SOX5: variants seen among roughly 807,000 people sequenced by gnomAD.
The protein encoded by SOX5 is transcription factor SOX-5.
In SOX5, 9 loss-of-function variants were observed where a neutral mutation model predicts 92.0. The ratio of observed to expected loss-of-function variants is 0.10; its 90% confidence interval spans 0.06 to 0.17. SOX5 has a LOEUF of 0.17. Among genes scored for constraint, SOX5 ranks in the 10% least tolerant of loss-of-function variants. The pLI, the probability that SOX5 is intolerant of heterozygous loss-of-function variation, is 1.00. For synonymous variants in SOX5, 344 were observed against 336.3 expected, an observed-to-expected ratio of 1.02 and a Z score of -0.25; for missense variants, 642 against 944.5, an observed-to-expected ratio of 0.68 and a Z score of 4.20.
At chr12:24,065,289 C>A (rs1940475349) in intron 4 of SOX5, among the ~76,000 whole-genome samples, 2 of 152,112 alleles carry the variant, frequency 1.3e-5, no homozygotes, top group African/African-American at 4.8e-5. Context: ...AGGAGAGAGG[C>A]ACATGGAGCT....
At chr12:23,997,726 GTGTT>G (rs1284778031) in intron 4 of SOX5, among the ~76,000 whole-genome samples, 1 of 152,164 alleles carries the variant, frequency 6.6e-6, no homozygotes, top group Non-Finnish European at 1.5e-5. Flanking sequence ...TTGGCTCAAA[GTGTT>G]TAAGCAAAAC....
At chr12:24,017,714 C>G (rs957226957) in intron 4 of SOX5, among the ~76,000 whole-genome samples, 1 of 152,150 alleles carries the variant, frequency 6.6e-6, no homozygotes, top group Non-Finnish European at 1.5e-5. Flanking sequence ...GCTCTTAACC[C>G]TATGCAAGAA....
At chr12:23,781,346 A>G (rs774976537) in intron 3 of SOX5, among the ~76,000 whole-genome samples, 1 of 151,732 alleles carries the variant, frequency 6.6e-6, no homozygotes, top group African/African-American at 2.4e-5. Flanking sequence ...TCTATGTGTT[A>G]TGATACTGCT....
chr12:24,260,144 A>G (rs1941874151), intron 3 of SOX5, among the ~76,000 whole-genome samples: 2 of 152,106 alleles, frequency 1.3e-5, no homozygotes, highest in African/African-American at 4.8e-5. Context: ...GGGAGTGAGG[A>G]AGAAGTAACA....
chr12:23,869,478 T>A (rs984322479), intron 2 of SOX5, among the ~76,000 whole-genome samples: 20 of 152,132 alleles, frequency 1.3e-4, no homozygotes, highest in Admixed American at 7.9e-4. Context: ...TTTCTTCATT[T>A]CTACCCTTTC....
rs189113656 is a variant in SOX5, at chr12:23,897,355, G to A, written c.39-1331C>T. ...AGGAGATATTCTATTAAAAATATTA[G>A]GACAGTAGAAAAAAATAAGGGCTTT... On this transcript the variant is annotated intron_variant, in intron 1 of 14. Coordinates refer to ENST00000451604, the MANE Select transcript of SOX5 (RefSeq NM_006940.6). Among the ~76,000 whole-genome samples the A allele has an allele frequency of 1.6e-4, 24 of 152,088 alleles. No individual in the cohort carries two copies. The East Asian group carries it at 4.6e-3, about 29-fold the overall frequency.
chr12:24,424,814 G>GC (rs1555286318), intron 1 of SOX5, among the ~76,000 whole-genome samples: 1 of 150,704 alleles, frequency 6.6e-6, no homozygotes, highest in East Asian at 2.0e-4. Flanking sequence ...TTTTTGGGGG[G>GC]GGGGGATGGC....
chr12:23,554,914 T>C (rs1944869181), intron 11 of SOX5, among the ~76,000 whole-genome samples: 1 of 152,110 alleles, frequency 6.6e-6, no homozygotes, highest in Non-Finnish European at 1.5e-5. Context: ...TCATTGTAAG[T>C]AAGTGTCTTG....
At chr12:24,026,096 A>T (rs1954837210) in intron 4 of SOX5, among the ~76,000 whole-genome samples, 2 of 152,056 alleles carry the variant, frequency 1.3e-5, no homozygotes, top group African/African-American at 4.8e-5. Context: ...AAAACAAAAT[A>T]CCTCATGATG....
At position 23,714,670 on chromosome 12, in the gene SOX5, G is replaced by A. The variant is rs562114684; in HGVS notation, c.810+20014C>T. ...AACCCACAACAGTATGTCTACACTTGTAATCATTTTCTATGTTAAGTATGC... is the reference window on the plus strand; with the variant it reads ...AACCCACAACAGTATGTCTACACTTATAATCATTTTCTATGTTAAGTATGC... On this transcript the variant is annotated intron_variant, in intron 6 of 14. Coordinates refer to ENST00000451604, the MANE Select transcript of SOX5 (RefSeq NM_006940.6). 1.2e-4 allele frequency among the ~76,000 whole-genome samples: 18 copies of A among 152,198 alleles called. No individual in the cohort carries two copies. The East Asian group carries it at 2.7e-3, about 23-fold the overall frequency.
At chr12:23,924,646 A>G (rs1569025325) in intron 1 of SOX5, among the ~76,000 whole-genome samples, 1 of 152,096 alleles carries the variant, frequency 6.6e-6, no homozygotes, top group Non-Finnish European at 1.5e-5. Context: ...CCTAGAGGAT[A>G]CTTACTAAAA....
chr12:24,378,138 A>C (rs1206834035), intron 1 of SOX5, among the ~76,000 whole-genome samples: 1 of 152,204 alleles, frequency 6.6e-6, no homozygotes, highest in Non-Finnish European at 1.5e-5. Flanking sequence ...CCTTAGCTTC[A>C]TCATTGATAG....
At chr12:23,665,183 C>T (rs1421347133) in intron 7 of SOX5, among the ~76,000 whole-genome samples, 3 of 152,164 alleles carry the variant, frequency 2.0e-5, no homozygotes, top group Non-Finnish European at 2.9e-5. Flanking sequence ...AATGAACCCA[C>T]AAATTACATT....
chr12:24,079,907 C>T (rs540227697), intron 4 of SOX5, among the ~76,000 whole-genome samples: 1 of 151,836 alleles, frequency 6.6e-6, no homozygotes, highest in Non-Finnish European at 1.5e-5. Context: ...CCTCATAATT[C>T]TACCTATGAG....
At chr12:24,459,051 C>G (rs1380602098) in intron 1 of SOX5, among the ~76,000 whole-genome samples, 1 of 152,198 alleles carries the variant, frequency 6.6e-6, no homozygotes, top group Non-Finnish European at 1.5e-5. Context: ...GACCAAAACT[C>G]TATAAGCCAA....
At chr12:23,762,857 C>T (rs575158862) in intron 3 of SOX5, among the ~76,000 whole-genome samples, 108 of 152,104 alleles carry the variant, frequency 7.1e-4, no homozygotes, top group Non-Finnish European at 1.3e-3. Context: ...TTACTCCTCA[C>T]AAGACATATT....
intron 1 of SOX5, among the ~76,000 whole-genome samples, chr12:24,502,200 A>G (rs1301895272): frequency 6.6e-6 from 1 of 152,254 alleles, no homozygotes; most frequent in Non-Finnish European, 1.5e-5. Flanking sequence ...CTCCAGTTGT[A>G]TGTAGCTTCA....
Position 24,064,146 on chromosome 12 carries a change from A to C in SOX5, c.-2+149197T>G, listed in dbSNP as rs575667757. 6.6e-5 allele frequency among the ~76,000 whole-genome samples: 10 copies of C among 152,308 alleles called. No homozygotes were observed. In the South Asian group the frequency reaches 1.9e-3, roughly 28 times the overall value. On this transcript the variant is annotated intron_variant, in intron 4 of 4. Transcript: ENST00000446891. ...GCTAGCCTTTGAATTGGAGACACCA[A>C]CAAGACATATGCATTCAATTCTCTT...
intron 3 of SOX5, among the ~76,000 whole-genome samples, chr12:23,833,568 A>G (rs1407604923): frequency 6.6e-6 from 1 of 152,054 alleles, no homozygotes; most frequent in Non-Finnish European, 1.5e-5. Context: ...AGTATGCAGT[A>G]TTAAAGTCAT....
Sources: allele counts gnomAD v4.1 joint callset (sites outside exome capture counted in the v4.1 genomes callset), GRCh38; gene constraint gnomAD v4.1.1; transcripts MANE v1.5; gene names NCBI Gene and HGNC (gene_info 2026-07-23, HGNC 2026-07-21).